LETM1: variants seen among roughly 807,000 people sequenced by gnomAD.
LETM1 encodes the protein leucine zipper and EF-hand containing transmembrane protein 1.
Under a neutral mutation model 74.5 loss-of-function variants are expected in LETM1, and 50 were observed. The ratio of observed to expected loss-of-function variants is 0.67; its 90% CI spans 0.53 to 0.85. LETM1 has a LOEUF of 0.85. Among genes scored for constraint, LETM1 ranks in the 40% least tolerant of loss-of-function variants. The probability of loss-of-function intolerance (pLI) is 0.00; values close to 1 mark genes in which losing one functional copy is unlikely to be tolerated. For missense variants in LETM1, 824 were observed against 967.8 expected (o/e 0.85, Z 1.97); for synonymous variants, 446 against 407.1 (o/e 1.10, Z -1.15).
intron 12 of LETM1, among the ~76,000 whole-genome samples, 189 bp from the exon 13 acceptor site, chr4:1,815,991 C>A (rs1473183171): frequency 2.0e-5 from 3 of 152,272 alleles, no homozygotes; most frequent in Non-Finnish European, 4.4e-5. Flanking sequence ...CCAGGGCCAG[C>A]GTGGACACAA....
intron 6 of LETM1, among the ~76,000 whole-genome samples, chr4:1,827,877 G>GCTGA (rs1553851676): frequency 9.6e-5 from 14 of 145,854 alleles, no homozygotes; most frequent in East Asian, 6.4e-4. Context: ...GGGCAGAGGC[G>GCTGA]CCCCCCCCAC....
At chr4:1,849,287 TGGA>T (rs1291135933) in intron 1 of LETM1, 78 bp from the exon 2 acceptor site, 4 of 1,086,342 alleles carry the variant, frequency 3.7e-6, no homozygotes, top group Non-Finnish European at 5.6e-6. Flanking sequence ...TGTTGGTTTT[TGGA>T]GTTTCGCTCT....
intron 1 of LETM1, among the ~76,000 whole-genome samples, chr4:1,850,652 A>T (rs895163978): frequency 2.9e-4 from 44 of 150,860 alleles, no homozygotes; most frequent in African/African-American, 1.0e-3. Flanking sequence ...CAGAAAAAAA[A>T]AAAAAAAAAA....
At chr4:1,842,251 T>C (rs1255698087) in intron 2 of LETM1, among the ~76,000 whole-genome samples, 2 of 152,216 alleles carry the variant, frequency 1.3e-5, no homozygotes, top group East Asian at 3.8e-4. Flanking sequence ...TCCGTGGCTC[T>C]TGAACAAGTC....
At chr4:1,839,776 T>C (rs1712621035) in intron 3 of LETM1, among the ~76,000 whole-genome samples, 1 of 152,298 alleles carries the variant, frequency 6.6e-6, no homozygotes, top group East Asian at 1.9e-4. Context: ...AGGGAAGGAA[T>C]GCCCAAGAGG....
At chr4:1,830,701 C>G (rs1300593813) in intron 6 of LETM1, among the ~76,000 whole-genome samples, 1 of 152,162 alleles carries the variant, frequency 6.6e-6, no homozygotes, top group Non-Finnish European at 1.5e-5. Flanking sequence ...TTGCCCAGAT[C>G]TGTTTTTCAC....
chr4:1,828,856 G>T (rs1417621439), intron 6 of LETM1, among the ~76,000 whole-genome samples: 1 of 104,364 alleles, frequency 9.6e-6, no homozygotes, highest in Non-Finnish European at 1.9e-5. Flanking sequence ...CTGGCCGGGC[G>T]GGAGGCTGAC....
chr4:1,848,818 C>T (rs1416463025), intron 2 of LETM1, among the ~76,000 whole-genome samples: 2 of 151,526 alleles, frequency 1.3e-5, no homozygotes, highest in East Asian at 1.9e-4. Flanking sequence ...ACACTGGGCA[C>T]TTTGAGGGCA....
At chr4:1,825,490 C>A (rs1172539512) in intron 7 of LETM1, 74 bp downstream of exon 7, 1 of 1,549,566 alleles carries the variant, frequency 6.5e-7, no homozygotes, top group Non-Finnish European at 8.8e-7. Context: ...TGGGAAGAGC[C>A]TCCGAGTGGC....
intron 6 of LETM1, among the ~76,000 whole-genome samples, chr4:1,829,156 C>T (rs1359342050): frequency 4.7e-4 from 61 of 129,212 alleles, no homozygotes; most frequent in African/African-American, 1.7e-3. Flanking sequence ...GGCGGCTGGC[C>T]GGGCAGGGGG....
At chr4:1,837,699 GTTTTT>G (rs1156556783) in intron 3 of LETM1, among the ~76,000 whole-genome samples, 1 of 125,762 alleles carries the variant, frequency 8.0e-6, no homozygotes, top group South Asian at 2.6e-4. Context: ...AAATTTACAA[GTTTTT>G]TTTTTTTTTT....
At chr4:1,823,224 C>A in intron 8 of LETM1, 93 bp from the exon 9 acceptor site, 1 of 1,422,758 alleles carries the variant, frequency 7.0e-7, no homozygotes, top group South Asian at 1.4e-5. Flanking sequence ...GTCCCCTGCC[C>A]CGTCACCACC....
chr4:1,843,612 G>A (rs1241586965), intron 2 of LETM1, among the ~76,000 whole-genome samples: 8 of 152,196 alleles, frequency 5.3e-5, no homozygotes, highest in African/African-American at 1.4e-4. Context: ...TCAAGAATAC[G>A]GGAAATAGAC....
chr4:1,822,880 G>C (rs1711835223), intron 9 of LETM1, 108 bp downstream of exon 9: 1 of 1,095,644 alleles, frequency 9.1e-7, no homozygotes, highest in Non-Finnish European at 1.2e-6. Flanking sequence ...ATGCAGGACA[G>C]AGCTGCAGGG....
At position 1,815,655 on chromosome 4, in the gene LETM1, G is replaced by A. The variant is rs111296871; in HGVS notation, c.2070+9C>T. ...GCGGATGGCCTGCGTGGTCCCCAGC[G>A]AGGCCCACCTTGACGAGGTCGTCGA... On this transcript the variant is annotated intron_variant, in intron 13 of 13. Coordinates refer to ENST00000302787, the MANE Select transcript of LETM1 (RefSeq NM_012318.3). 4.2e-4 allele frequency: 679 copies of A among 1,613,884 alleles called. 4 individuals carry two copies. The African/African-American group carries it at 7.3e-3, about 17-fold the overall frequency.
rs372283687 is a variant in LETM1 at position 1,823,022 on chromosome 4, C to A, written c.1442G>T (p.Arg481Leu). 1.9e-5 allele frequency: 30 copies of A among 1,607,344 alleles called. No homozygotes were observed. The African/African-American group carries it at 3.8e-4, about 20-fold the overall frequency. Residue 481 changes from arginine to leucine, a missense_variant, in exon 9 of 14, where the codon CGT becomes CTT. Physicochemically the swap from Arg to Leu is moderately radical, Grantham distance 102 (BLOSUM62 -2). Coordinates refer to ENST00000302787, the MANE Select transcript of LETM1 (RefSeq NM_012318.3). ...CGAGCGCTTCTGCAGCTCCTTCTCA[C>A]GGTGCTCCTGCTGGATGGCCGCCTC... ...QEEAAIQQEH[R>L]EKELQKRSEV...
chr4:1,816,852 A>G lies in LETM1; in HGVS notation c.1806T>C (p.Ser602=), dbSNP rs1577308530. Residue 602 remains serine (S), a synonymous_variant, in exon 12 of 14, where the codon TCT becomes TCC. Transcript: ENST00000302787. ...TTTTTGTCAATCTCTTGCTGGCTTT[A>G]GATTCTTCCACGTACTTTTCTTCAC... ...KTGEEKYVEE[S]KASKRLTKRV... 6.2e-7 allele frequency: 1 copy of G among 1,614,068 alleles called. No individual in the cohort carries two copies. Among genetic ancestry groups the G allele is most frequent in the East Asian group, 2.2e-5 (1 of 44,886 alleles).
chr4:1,822,345 G>A (rs150992198), intron 9 of LETM1, 33 bp from the exon 10 acceptor site: 16,238 of 1,431,872 alleles, frequency 0.011, 126 homozygotes, highest in Non-Finnish European at 0.013. Flanking sequence ...CCCAGCGCCC[G>A]CCATCACACA....
In LETM1 at chr4:1,834,478, T is replaced by C. The variant is rs1712393707; in HGVS notation, c.876+367A>G. ...CCCTGGGACCTGGGATCTTCTTGAC[T>C]GACTCCAGCCAGAGGGCAATGCCCA... On this transcript the variant is annotated intron_variant, in intron 5 of 13. Coordinates refer to ENST00000302787, the MANE Select transcript of LETM1 (RefSeq NM_012318.3). The surrounding 1 kb of genome is among the most constrained non-coding windows in gnomAD (Gnocchi z 5.0). The C allele has an allele frequency of 4.8e-6, 5 of 1,045,088 alleles. No individual in the cohort carries two copies. In the African/African-American group the frequency reaches 5.1e-5, roughly 11 times the overall value. 64.7% of individuals were successfully genotyped at this position (1,045,088 alleles called of 1,614,324 possible).
Sources: gnomAD v4.1 joint callset for allele counts (sites outside exome capture counted in the v4.1 genomes callset) on GRCh38, gnomAD v4.1.1 for gene constraint, Gnocchi (gnomAD v3.1) non-coding constraint, MANE v1.5 for transcripts, NCBI Gene and HGNC (gene_info 2026-07-23, HGNC 2026-07-21) for gene names.